FBXO42: variants seen among roughly 807,000 people sequenced by gnomAD.
FBXO42 encodes F-box protein 42, also known as F-box only protein 42.
Under a neutral mutation model 71.7 loss-of-function variants are expected in FBXO42, and 12 were observed. That is an observed-to-expected ratio of 0.17 (90% CI 0.11 to 0.27). FBXO42 has a LOEUF of 0.27. FBXO42 is among the 10% of genes least tolerant of loss of function. The probability of loss-of-function intolerance (pLI) is 1.00; values close to 1 mark genes in which losing one functional copy is unlikely to be tolerated. For missense variants in FBXO42, 707 were observed against 911.9 expected, an observed-to-expected ratio of 0.78 and a Z score of 2.89; for synonymous variants, 325 against 327.5, an observed-to-expected ratio of 0.99 and a Z score of 0.08.
intron 3 of FBXO42, 137 bp from the exon 4 acceptor site, chr1:16,295,054 C>A: frequency 3.2e-6 from 3 of 923,842 alleles, no homozygotes; most frequent in South Asian, 3.7e-5. Context: ...CTATTACCAG[C>A]CTCTTGTCTC....
chr1:16,314,741 G>A (rs55903004), intron 2 of FBXO42, among the ~76,000 whole-genome samples: 6 of 151,828 alleles, frequency 4.0e-5, no homozygotes, highest in African/African-American at 1.5e-4. Context: ...AAAATCAGCC[G>A]GGCGTGGTGG....
chr1:16,284,685 A>C (rs1215158181), intron 4 of FBXO42, among the ~76,000 whole-genome samples: 1 of 152,050 alleles, frequency 6.6e-6, no homozygotes, highest in African/African-American at 2.4e-5. Context: ...CAAAAAAATT[A>C]GGCCAGGCGC....
chr1:16,337,960 G>A (rs1471152676), intron 1 of FBXO42, among the ~76,000 whole-genome samples: 1 of 146,058 alleles, frequency 6.8e-6, no homozygotes, highest in Admixed American at 7.0e-5. Context: ...CACTTTGGGA[G>A]GCCAAGGAGG....
intron 1 of FBXO42, among the ~76,000 whole-genome samples, chr1:16,339,324 G>GT (rs1391057213): frequency 6.6e-6 from 1 of 151,238 alleles, no homozygotes; most frequent in Non-Finnish European, 1.5e-5. Flanking sequence ...TTTTGTTTTT[G>GT]TTTTTTTGAG....
At chr1:16,266,549 C>G (rs1400149233) in intron 4 of FBXO42, among the ~76,000 whole-genome samples, 1 of 152,170 alleles carries the variant, frequency 6.6e-6, no homozygotes, top group Non-Finnish European at 1.5e-5. Context: ...ACAAAACTGG[C>G]CTTGAGGGCA....
intron 4 of FBXO42, among the ~76,000 whole-genome samples, chr1:16,277,111 C>CA: frequency 6.6e-6 from 1 of 152,194 alleles, no homozygotes; most frequent in Admixed American, 6.5e-5. Context: ...CATTCACAAA[C>CA]AAAATACTAA....
chr1:16,302,987 TG>T (rs1375886997), intron 3 of FBXO42, among the ~76,000 whole-genome samples: 1 of 152,028 alleles, frequency 6.6e-6, no homozygotes, highest in African/African-American at 2.4e-5. Flanking sequence ...AAACCATATC[TG>T]GCGGGCACAC....
intron 4 of FBXO42, 81 bp downstream of exon 4, chr1:16,294,702 A>T: frequency 6.7e-7 from 1 of 1,498,110 alleles, no homozygotes; most frequent in Non-Finnish European, 9.1e-7. Context: ...CTTGAGACCA[A>T]CACCAAAAAT....
At chr1:16,306,269 G>A (rs1163461883) in intron 2 of FBXO42, among the ~76,000 whole-genome samples, 5 of 152,020 alleles carry the variant, frequency 3.3e-5, no homozygotes, top group East Asian at 1.9e-4. Context: ...CACCTGCCTC[G>A]GCCTTCCAAA....
intron 1 of FBXO42, among the ~76,000 whole-genome samples, chr1:16,347,861 C>A (rs967124574): frequency 6.6e-6 from 1 of 151,812 alleles, no homozygotes; most frequent in South Asian, 2.1e-4. Context: ...TGGTAGTGGG[C>A]GCCTGTAGTC....
chr1:16,273,984 G>A (rs892512411), intron 4 of FBXO42, among the ~76,000 whole-genome samples: 4 of 152,180 alleles, frequency 2.6e-5, no homozygotes, highest in African/African-American at 7.2e-5. Flanking sequence ...TCAAAAACGT[G>A]TTCAAAGAAA....
chr1:16,294,560 A>T (rs922763538), intron 4 of FBXO42: 2 of 514,320 alleles, frequency 3.9e-6, no homozygotes, highest in Non-Finnish European at 6.9e-6. Flanking sequence ...ACAGCAGTAC[A>T]GCAATTTTGG....
At chr1:16,290,395 A>T (rs1210893438) in intron 4 of FBXO42, among the ~76,000 whole-genome samples, 6 of 152,102 alleles carry the variant, frequency 3.9e-5, no homozygotes, top group Non-Finnish European at 4.4e-5. Context: ...GAATCCCCTT[A>T]TAAGAAGCAC....
At chr1:16,301,723 A>G (rs1242754888) in intron 3 of FBXO42, among the ~76,000 whole-genome samples, 1 of 151,690 alleles carries the variant, frequency 6.6e-6, no homozygotes, top group Admixed American at 6.6e-5. Context: ...TGTCTAAGAC[A>G]TGGAGCCTGT....
At chr1:16,255,911 C>T (rs1353634022) in intron 5 of FBXO42, 90 bp from the exon 6 acceptor site, 1 of 852,872 alleles carries the variant, frequency 1.2e-6, no homozygotes, top group Non-Finnish European at 1.8e-6. Context: ...AAATGATAAT[C>T]CTATCACTTT....
intron 1 of FBXO42, among the ~76,000 whole-genome samples, chr1:16,349,649 T>A (rs532154018): frequency 5.9e-5 from 9 of 152,246 alleles, no homozygotes; most frequent in African/African-American, 1.9e-4. Context: ...TCGCCTGCGG[T>A]CAGGAGTTCA....
chr1:16,277,259 T>C (rs1315207266), intron 4 of FBXO42, among the ~76,000 whole-genome samples: 1 of 152,226 alleles, frequency 6.6e-6, no homozygotes, highest in Non-Finnish European at 1.5e-5. Flanking sequence ...GCCACAAGAT[T>C]TGGCATTCTC....
Position 16,352,266 on chromosome 1 carries a change from C to T in FBXO42, c.-29G>A. 2.5e-6 allele frequency: 1 copy of T among 395,630 alleles called. No homozygotes were observed. Among genetic ancestry groups the T allele is most frequent in the Non-Finnish European group, 4.5e-6 (1 of 224,454 alleles). 24.5% of individuals were successfully genotyped at this position (395,630 alleles called of 1,614,324 possible). On this transcript the variant is annotated 5_prime_UTR_variant, in exon 1 of 10. Transcript: ENST00000375592. ...AGGAGAGGCCTCACCTGGCCCAGCC[C>T]GCTCCACGCTCTCGGGTTCGCTCCG...
chr1:16,311,333 C>A (rs1252254258), intron 2 of FBXO42, among the ~76,000 whole-genome samples: 2 of 149,682 alleles, frequency 1.3e-5, no homozygotes, highest in Admixed American at 6.7e-5. Context: ...TAAATAAATA[C>A]AAAAATTAGC....
Sources: allele counts gnomAD v4.1 joint callset (sites outside exome capture counted in the v4.1 genomes callset), GRCh38; gene constraint gnomAD v4.1.1; transcripts MANE v1.5; gene names NCBI Gene and HGNC (gene_info 2026-07-23, HGNC 2026-07-21).